ZNF423: variants seen among roughly 807,000 people sequenced by gnomAD.
ZNF423 encodes the protein zinc finger protein 423.
In ZNF423, 12 loss-of-function variants were observed where a neutral mutation model predicts 95.8. The ratio of observed to expected loss-of-function variants is 0.13; its 90% confidence interval spans 0.08 to 0.20. ZNF423 has a LOEUF of 0.20. Among genes scored for constraint, ZNF423 ranks in the 10% least tolerant of loss-of-function variants. The pLI is 1.00. For synonymous variants in ZNF423, 749 were observed against 711.9 expected (o/e 1.05, Z -0.83); for missense variants, 1,316 against 1,737.1 (o/e 0.76, Z 4.31).
intron 1 of ZNF423, among the ~76,000 whole-genome samples, chr16:49,823,717 G>A (rs549572399): frequency 1.3e-5 from 2 of 152,290 alleles, no homozygotes; most frequent in East Asian, 1.9e-4. Context: ...CGAAGTTACC[G>A]TGATATGTGG....
chr16:49,621,391 G>A (rs1292887732), intron 5 of ZNF423, among the ~76,000 whole-genome samples: 1 of 152,170 alleles, frequency 6.6e-6, no homozygotes, highest in Admixed American at 6.5e-5. Flanking sequence ...CCAAGCAGCA[G>A]CCAGGAGAGG....
intron 5 of ZNF423, among the ~76,000 whole-genome samples, chr16:49,538,544 C>A (rs865899830): frequency 6.6e-6 from 1 of 152,200 alleles, no homozygotes; most frequent in African/African-American, 2.4e-5. Flanking sequence ...ATTTCCCTCT[C>A]CTGCTCAAGA....
chr16:49,789,223 G>C (rs948380175), intron 2 of ZNF423, among the ~76,000 whole-genome samples: 12 of 152,200 alleles, frequency 7.9e-5, no homozygotes, highest in African/African-American at 2.4e-4. Flanking sequence ...TGTGCAGTGG[G>C]AAAATCACTG....
chr16:49,636,316 G>T lies in ZNF423; in HGVS notation c.2860C>A (p.Arg954=). The T allele has an allele frequency of 6.2e-7, 1 of 1,612,602 alleles. No individual in the cohort carries two copies. Among genetic ancestry groups the T allele is most frequent in the Non-Finnish European group, 8.5e-7 (1 of 1,180,028 alleles). Residue 954 remains arginine, a synonymous_variant, in exon 4 of 8, where the codon CGG becomes AGG. Transcript: ENST00000563137. This position sits in a 1 kb window ranked among gnomAD's most constrained non-coding sequence, Gnocchi z 8.6. ...CCCCGGTGCGTCTGCAGGTGCTCCC[G>T]TAGCCCGTTCTCCGAGAAGAAAGTC... ...SRTFFSENGL[R]EHLQTHRGPA...
At chr16:49,613,190 G>A (rs1354529631) in intron 5 of ZNF423, among the ~76,000 whole-genome samples, 1 of 152,094 alleles carries the variant, frequency 6.6e-6, no homozygotes, top group Admixed American at 6.5e-5. Flanking sequence ...GATATATATG[G>A]AAAGGCAAAA....
intron 3 of ZNF423, among the ~76,000 whole-genome samples, chr16:49,712,114 C>G (rs866521438): frequency 6.6e-6 from 1 of 151,976 alleles, no homozygotes; most frequent in Non-Finnish European, 1.5e-5. Flanking sequence ...GAGACCCTGT[C>G]GCTATTTAAA....
At chr16:49,528,295 C>G (rs1220126133) in intron 5 of ZNF423, among the ~76,000 whole-genome samples, 1 of 152,154 alleles carries the variant, frequency 6.6e-6, no homozygotes, top group Admixed American at 6.5e-5. Context: ...GCTGGTCCCC[C>G]CTGATTCATA....
Position 49,635,383 on chromosome 16 carries a change from C to T in ZNF423, c.3516+277G>A, listed in dbSNP as rs942461599. Among the ~76,000 whole-genome samples the T allele has an allele frequency of 4.6e-5, 7 of 152,230 alleles. No individual in the cohort carries two copies. Among genetic ancestry groups the T allele is most frequent in the East Asian group, 1.9e-4 (1 of 5,200 alleles). ...ATGTCCTCGGCCTCTTACAACAATT[C>T]TCTGAGGTTGGGACAATTATTATTC... On this transcript the variant is annotated intron_variant, in intron 4 of 7. Coordinates refer to ENST00000563137, the MANE Select transcript of ZNF423 (RefSeq NM_001379286.1). This position sits in a 1 kb window ranked among gnomAD's most constrained non-coding sequence, Gnocchi z 4.8.
At chr16:49,781,364 A>G (rs1473267998) in intron 2 of ZNF423, among the ~76,000 whole-genome samples, 2 of 152,212 alleles carry the variant, frequency 1.3e-5, no homozygotes, top group Non-Finnish European at 2.9e-5. Flanking sequence ...CAGCACAGAC[A>G]CTAAGGTGAG....
intron 3 of ZNF423, among the ~76,000 whole-genome samples, chr16:49,713,192 G>A (rs539315352): frequency 6.6e-6 from 1 of 152,252 alleles, no homozygotes; most frequent in African/African-American, 2.4e-5. Context: ...ACAGTCACCT[G>A]ACATAGCCTC....
intron 4 of ZNF423, among the ~76,000 whole-genome samples, chr16:49,626,813 T>C (rs1430710319): frequency 5.0e-5 from 7 of 140,398 alleles, no homozygotes; most frequent in African/African-American, 1.8e-4. Context: ...TACCCATCCA[T>C]CCATCTACAT....
intron 1 of ZNF423, among the ~76,000 whole-genome samples, chr16:49,817,907 T>G (rs754451943): frequency 6.6e-6 from 1 of 151,988 alleles, no homozygotes; most frequent in Admixed American, 6.6e-5. Flanking sequence ...ACAGCTGCAG[T>G]ACCAGGCCTC....
intron 5 of ZNF423, among the ~76,000 whole-genome samples, chr16:49,581,344 T>A (rs1970669456): frequency 6.6e-6 from 1 of 152,224 alleles, no homozygotes; most frequent in Non-Finnish European, 1.5e-5. Context: ...CGCAGCCCCA[T>A]CGTCAGTAGG....
At chr16:49,704,344 T>C (rs1284032955) in intron 3 of ZNF423, among the ~76,000 whole-genome samples, 1 of 152,198 alleles carries the variant, frequency 6.6e-6, no homozygotes, top group Non-Finnish European at 1.5e-5. Flanking sequence ...CTCCCTCCTC[T>C]GGGTCCCTCA....
intron 2 of ZNF423, among the ~76,000 whole-genome samples, chr16:49,757,309 G>C (rs377042071): frequency 6.6e-6 from 1 of 152,072 alleles, no homozygotes; most frequent in Non-Finnish European, 1.5e-5. Flanking sequence ...TGGCTACACC[G>C]ACATCTCCTA....
intron 5 of ZNF423, among the ~76,000 whole-genome samples, chr16:49,536,643 C>T (rs1024483221): frequency 6.6e-6 from 1 of 152,072 alleles, no homozygotes; most frequent in African/African-American, 2.4e-5. Flanking sequence ...GCTATCTTTC[C>T]CAGGCTGGTC....
At chr16:49,856,944 C>G (rs961979429), upstream of ZNF423, among the ~76,000 whole-genome samples, 2 of 146,876 alleles carry the variant, frequency 1.4e-5, no homozygotes, top group Non-Finnish European at 3.0e-5. Flanking sequence ...GCCGGGCTCC[C>G]GTCCTCCTGG....
intron 3 of ZNF423, among the ~76,000 whole-genome samples, chr16:49,713,306 C>T (rs2032601834): frequency 1.3e-5 from 2 of 152,266 alleles, no homozygotes; most frequent in African/African-American, 4.8e-5. Flanking sequence ...TGAGCATTTG[C>T]TCATCCGCAG....
In ZNF423 at chr16:49,853,814, C is replaced by G. The variant is rs2035327603; in HGVS notation, c.40+1921G>C. 5.1e-6 allele frequency: 5 copies of G among 985,290 alleles called. No individual in the cohort carries two copies. The Admixed American group carries it at 3.1e-4, about 61-fold the overall frequency. The allele number at this position is 985,290 out of a possible 1,614,324, so 61.0% of individuals were successfully genotyped here. On this transcript the variant is annotated intron_variant, in intron 1 of 7. Transcript: ENST00000563137. ...ACCCATCTGTTCACTGCAAACTGCT[C>G]TCCTTTTGCTTTCTGGGTCTCGCCG...
Sources: allele counts gnomAD v4.1 joint callset (sites outside exome capture counted in the v4.1 genomes callset), GRCh38; gene constraint gnomAD v4.1.1; non-coding constraint Gnocchi (gnomAD v3.1); transcripts MANE v1.5; gene names NCBI Gene and HGNC (gene_info 2026-07-23, HGNC 2026-07-21).